The following PPFIA2 variants were observed in gnomAD, a reference collection of about 807,000 sequenced individuals.
PPFIA2 encodes the protein PPFI scaffold protein A2.
A neutral mutation model predicts 175.5 loss-of-function variants in PPFIA2; 46 were observed. The ratio of observed to expected loss-of-function variants is 0.26; its 90% CI spans 0.21 to 0.34. The LOEUF (loss-of-function observed/expected upper bound fraction) is 0.34. Among genes scored for constraint, PPFIA2 ranks in the 10% least tolerant of loss-of-function variants. PPFIA2 has a pLI of 1.00. For synonymous variants in PPFIA2, 568 were observed against 511.4 expected (o/e 1.11, Z -1.49); for missense variants, 1,179 against 1,506.1 (o/e 0.78, Z 3.60).
At chr12:81,360,703 T>C (rs986005852) in intron 15 of PPFIA2, among the ~76,000 whole-genome samples, 4 of 151,720 alleles carry the variant, frequency 2.6e-5, no homozygotes, top group Non-Finnish European at 5.9e-5. Flanking sequence ...TTTTACGAAA[T>C]TACTTGTCCT....
intron 4 of PPFIA2, among the ~76,000 whole-genome samples, chr12:81,489,901 T>C (rs1522315): frequency 0.3 from 45,056 of 151,772 alleles, 7,136 homozygotes; most frequent in African/African-American, 0.41. Context: ...TCTAACACTA[T>C]AGAGAAGGCC....
chr12:81,531,849 G>A (rs1471974239), intron 4 of PPFIA2, among the ~76,000 whole-genome samples: 1 of 151,716 alleles, frequency 6.6e-6, no homozygotes, highest in Non-Finnish European at 1.5e-5. Context: ...TAATGGTACT[G>A]GTAAGAAATA....
At chr12:81,310,617 T>C (rs1345861338) in intron 22 of PPFIA2, among the ~76,000 whole-genome samples, 2 of 152,180 alleles carry the variant, frequency 1.3e-5, no homozygotes, top group East Asian at 3.8e-4. Flanking sequence ...ATTTATATGA[T>C]GACATGAAAA....
At chr12:81,748,450 A>G (rs758785156) in intron 3 of PPFIA2, among the ~76,000 whole-genome samples, 5 of 144,842 alleles carry the variant, frequency 3.5e-5, no homozygotes, top group Non-Finnish European at 6.2e-5. Context: ...TTTAAGAAGC[A>G]TCTGCTTATT....
At chr12:81,701,249 G>A (rs992263631) in intron 3 of PPFIA2, among the ~76,000 whole-genome samples, 1 of 152,156 alleles carries the variant, frequency 6.6e-6, no homozygotes, top group Non-Finnish European at 1.5e-5. Flanking sequence ...TTCAGCAAAT[G>A]TCACCTATAA....
At chr12:81,347,459 C>T (rs2059266727) in intron 18 of PPFIA2, 74 bp downstream of exon 18, 1 of 1,262,948 alleles carries the variant, frequency 7.9e-7, no homozygotes, top group Non-Finnish European at 1.2e-6. Context: ...CTAGAACAAA[C>T]ACCCAGTTAA....
chr12:81,297,999 C>CT (rs1347006497), intron 23 of PPFIA2: 4 of 152,184 alleles, frequency 2.6e-5, no homozygotes, highest in Non-Finnish European at 4.4e-5. Flanking sequence ...ACAAACTTCA[C>CT]TGTCTGTCAT....
chr12:81,407,481 TTAAAATAAAATAAAATAAAA>T (rs10645878), intron 7 of PPFIA2, among the ~76,000 whole-genome samples: 4 of 130,740 alleles, frequency 3.1e-5, no homozygotes, highest in Non-Finnish European at 3.2e-5. Flanking sequence ...AGACTCTGTC[TTAAAATAAAATAAAATAAAA>T]TAAAATAAAA....
chr12:81,405,772 T>C lies in PPFIA2; in HGVS notation c.762+15A>G. 7.4e-7 allele frequency: 1 copy of C among 1,349,840 alleles called. No homozygotes were observed. The highest frequency in any genetic ancestry group is 1.0e-6 in the Non-Finnish European group (1 of 974,118). The allele number at this position is 1,349,840 out of a possible 1,614,324, so 83.6% of individuals were successfully genotyped here. A position where few individuals can be genotyped will look rare whatever the true frequency, so the allele number is the denominator to read the frequency against. On this transcript the variant is annotated intron_variant, in intron 8 of 32. Coordinates refer to ENST00000549396, the MANE Select transcript of PPFIA2 (RefSeq NM_003625.5). ...GTAAACATTTCCATGTAAGAGCATG[T>C]GGGGTGTGTCATACCTTCTCATGGA... is the stretch of plus-strand genomic sequence containing the variant.
chr12:81,299,428 T>C, intron 22 of PPFIA2, 46 bp from the exon 23 acceptor site: 1 of 1,525,642 alleles, frequency 6.6e-7, no homozygotes, highest in Non-Finnish European at 8.8e-7. Context: ...TGGAAAAATA[T>C]GGCTGTGATT....
At position 81,330,323 on chromosome 12, in the gene PPFIA2, G is replaced by A. The variant is rs117279606; in HGVS notation, c.2549-4453C>T. The stretch of plus-strand genomic sequence containing the variant: ...CTGTCCAACCTCTGACTGGTGGCAC[G>A]CTTGTTATTAATTTGAGTAGCCAAA... On this transcript the variant is annotated intron_variant, in intron 21 of 32. Transcript: ENST00000549396. 7.0e-3 allele frequency among the ~76,000 whole-genome samples: 1,070 copies of A among 152,216 alleles called. 3 individuals are homozygous for A. Among genetic ancestry groups the A allele is most frequent in the Middle Eastern group, 0.024 (7 of 294 alleles).
chr12:81,306,913 T>C (rs905863299), intron 22 of PPFIA2, among the ~76,000 whole-genome samples: 3 of 152,140 alleles, frequency 2.0e-5, no homozygotes, highest in African/African-American at 7.2e-5. Flanking sequence ...GTCTAAAAGA[T>C]TATTTTTAAT....
chr12:81,676,384 T>C (rs2072511324), intron 4 of PPFIA2, among the ~76,000 whole-genome samples: 2 of 151,960 alleles, frequency 1.3e-5, no homozygotes, highest in African/African-American at 2.4e-5. Context: ...GCTTCCTGAA[T>C]TAAGTAGAAA....
chr12:81,665,959 CA>C (rs2153556967), intron 4 of PPFIA2, among the ~76,000 whole-genome samples: 1 of 152,232 alleles, frequency 6.6e-6, no homozygotes, highest in Non-Finnish European at 1.5e-5. Flanking sequence ...AGGATATGAA[CA>C]GACACTTCTC....
At chr12:81,277,052 G>A (rs936019284) in intron 28 of PPFIA2, among the ~76,000 whole-genome samples, 1 of 152,068 alleles carries the variant, frequency 6.6e-6, no homozygotes, top group African/African-American at 2.4e-5. Context: ...AGTATAAGCA[G>A]AATGTATAAT....
chr12:81,597,628 A>G (rs2059383193), intron 4 of PPFIA2, among the ~76,000 whole-genome samples: 1 of 152,108 alleles, frequency 6.6e-6, no homozygotes, highest in African/African-American at 2.4e-5. Context: ...TAACTCTACA[A>G]TGTTTACCAT....
chr12:81,530,627 T>C (rs907082286), intron 4 of PPFIA2, among the ~76,000 whole-genome samples: 1 of 151,984 alleles, frequency 6.6e-6, no homozygotes, highest in South Asian at 2.1e-4. Flanking sequence ...ATTCAACTCC[T>C]GCTCAGCCAC....
chr12:81,583,183 A>T (rs1193448676), intron 4 of PPFIA2, among the ~76,000 whole-genome samples: 2 of 151,860 alleles, frequency 1.3e-5, no homozygotes, highest in Non-Finnish European at 2.9e-5. Context: ...AACATCTATT[A>T]TCCCCCAAAA....
chr12:81,343,139 T>C (rs2058441832), intron 19 of PPFIA2, among the ~76,000 whole-genome samples: 1 of 152,060 alleles, frequency 6.6e-6, no homozygotes, highest in African/African-American at 2.4e-5. Context: ...TACAACACTT[T>C]TCTTAATGTA....
Sources: allele counts gnomAD v4.1 joint callset (sites outside exome capture counted in the v4.1 genomes callset), GRCh38; gene constraint gnomAD v4.1.1; transcripts MANE v1.5; gene names NCBI Gene and HGNC (gene_info 2026-07-23, HGNC 2026-07-21).